Variants in ZNF717 observed in about 807,000 individuals in gnomAD.
ZNF717 encodes the protein krueppel-like factor X17.
In ZNF717, 9 loss-of-function variants were observed where a neutral mutation model predicts 13.8. The observed-to-expected ratio is 0.65, with a 90% confidence interval of 0.39 to 1.14. The LOEUF (loss-of-function observed/expected upper bound fraction) is 1.14, where lower values mean the gene tolerates loss of function less well. ZNF717 is among the 50% of genes most tolerant of loss of function. The pLI, the probability that ZNF717 is intolerant of heterozygous loss-of-function variation, is 0.01. For missense variants in ZNF717, 1,040 were observed against 1,080.7 expected (o/e 0.96, Z 0.53); for synonymous variants, 327 against 364.1 (o/e 0.90, Z 1.16).
chr3:75,730,625 A>T, intron 5 of ZNF717: 2 of 702,342 alleles, frequency 2.8e-6, no homozygotes, highest in Non-Finnish European at 5.2e-6. Flanking sequence ...AAACCTGGAG[A>T]TAAAAGATTT....
chr3:75,715,110 A>C (rs1938020949), intron 5 of ZNF717, among the ~76,000 whole-genome samples: 3 of 152,250 alleles, frequency 2.0e-5, no homozygotes, highest in African/African-American at 7.2e-5. Flanking sequence ...TAATCTAATA[A>C]GTGCTGTGAA....
Position 75,738,890 on chromosome 3 carries a change from C to G in ZNF717, c.733G>C (p.Ala245Pro). 1 of 1,551,418 alleles carries G rather than the reference C, an allele frequency of 6.4e-7. No individual in the cohort carries two copies. The highest frequency in any genetic ancestry group is 1.4e-5 in the African/African-American group (1 of 73,170). ...TFGKYNEYEKACNNSAVIVQV... is the reference protein window; with the variant it reads ...TFGKYNEYEKPCNNSAVIVQV... ...ACAATAACAGCTGAGTTATTACAGG[C>G]TTTCTCATATTCATTATATTTACCA... The change falls in exon 5 of 5, where the codon GCC becomes CCC. Residue 245 changes from alanine (A) to proline (P), a missense_variant. Around this residue, in one of 3 missense-constraint regions of ZNF717, gnomAD observed 873 missense variants for 832.8 expected, o/e 1.05. Coordinates refer to ENST00000652011, the MANE Select transcript of ZNF717 (RefSeq NM_001290208.3).
downstream of ZNF717, among the ~76,000 whole-genome samples, chr3:75,704,911 A>G (rs1205218351): frequency 2.8e-4 from 42 of 151,282 alleles, no homozygotes; most frequent in African/African-American, 9.6e-4. Context: ...ATTATCAGAA[A>G]AGATCAGCAG....
chr3:75,773,874 A>G (rs542676193), intron 2 of ZNF717, among the ~76,000 whole-genome samples: 269 of 152,106 alleles, frequency 1.8e-3, no homozygotes, highest in African/African-American at 5.9e-3. Context: ...ACAAGGAAAA[A>G]CCCCATCTCT....
At chr3:75,773,807 G>C (rs2107665581) in intron 2 of ZNF717, among the ~76,000 whole-genome samples, 1 of 152,136 alleles carries the variant, frequency 6.6e-6, no homozygotes, top group South Asian at 2.1e-4. Flanking sequence ...CCCAACACTT[G>C]GGGAGGCTGA....
intron 5 of ZNF717, among the ~76,000 whole-genome samples, chr3:75,715,094 G>A (rs375419979): frequency 2.0e-5 from 3 of 152,116 alleles, no homozygotes; most frequent in African/African-American, 7.2e-5. Context: ...TATTTGCCAC[G>A]ATAGGTAATC....
At chr3:75,721,939 A>G (rs2106865376) in intron 4 of ZNF717, among the ~76,000 whole-genome samples, 1 of 152,196 alleles carries the variant, frequency 6.6e-6, no homozygotes, top group South Asian at 2.1e-4. Context: ...CATAAGAGAA[A>G]TTAGGACTTC....
chr3:75,773,604 G>A (rs1302416361), intron 2 of ZNF717, among the ~76,000 whole-genome samples: 2 of 152,186 alleles, frequency 1.3e-5, no homozygotes, highest in African/African-American at 4.8e-5. Context: ...AATGAAAAAT[G>A]TTAATTTGGT....
chr3:75,764,901 T>C (rs1171793733), intron 2 of ZNF717, among the ~76,000 whole-genome samples: 2 of 151,784 alleles, frequency 1.3e-5, no homozygotes, highest in South Asian at 2.1e-4. Flanking sequence ...CAAACAGATA[T>C]GTGCACACCT....
intron 2 of ZNF717, among the ~76,000 whole-genome samples, chr3:75,742,722 A>G (rs1344278156): frequency 1.1e-4 from 17 of 152,220 alleles, no homozygotes; most frequent in Admixed American, 1.0e-3. Flanking sequence ...TCTGCATTTA[A>G]ATATTTGACC....
At chr3:75,776,153 C>T (rs34658965) in intron 2 of ZNF717, among the ~76,000 whole-genome samples, 42,216 of 149,812 alleles carry the variant, frequency 0.28, 2,001 homozygotes, top group Non-Finnish European at 0.35. Flanking sequence ...CCAGGATGGC[C>T]GCCTTGTCCT....
chr3:75,710,113 T>G (rs1325120800), exon 6 of ZNF717: 2 of 151,074 alleles, frequency 1.3e-5, no homozygotes, highest in Non-Finnish European at 2.9e-5. Flanking sequence ...CTGGTATTAT[T>G]CTGTTAGGAG....
intron 6 of ZNF717, among the ~76,000 whole-genome samples, chr3:75,694,950 G>C (rs1001523579): frequency 6.6e-5 from 10 of 151,966 alleles, no homozygotes; most frequent in Admixed American, 1.3e-4. Context: ...AAATCAATCA[G>C]AAAACAAATA....
intron 1 of ZNF717, among the ~76,000 whole-genome samples, chr3:75,783,792 C>T (rs1248847516): frequency 6.6e-6 from 1 of 152,172 alleles, no homozygotes; most frequent in Admixed American, 6.5e-5. Context: ...CATGACAGTA[C>T]ATCTTGCTTT....
In ZNF717 at chr3:75,737,306, G is replaced by A. The variant is rs1225026500; in HGVS notation, c.2317C>T (p.Leu773Phe). The A allele has an allele frequency of 1.3e-6, 2 of 1,552,656 alleles. No individual in the cohort carries two copies. Among genetic ancestry groups the A allele is most frequent in the South Asian group, 1.2e-5 (1 of 84,094 alleles). ...CGKTFCHKSN[L>F]STHQGTHSGE... is the part of the protein sequence containing the mutation. Reference sequence around the variant, plus strand: ...GAGTGAGTCCCCTGATGCGTACTGAGGTTTGACTTGTGACAAAAGGTTTTC... The same window carrying A: ...GAGTGAGTCCCCTGATGCGTACTGAAGTTTGACTTGTGACAAAAGGTTTTC... The change falls in exon 5 of 5, where the codon CTC becomes TTC. Residue 773 changes from leucine (L) to phenylalanine (F), a missense_variant. Leu to Phe is a conservative substitution (Grantham distance 22). Around this residue, in one of 3 missense-constraint regions of ZNF717, gnomAD observed 873 missense variants for 832.8 expected, o/e 1.05. Coordinates refer to ENST00000652011, the MANE Select transcript of ZNF717 (RefSeq NM_001290208.3).
At chr3:75,731,158 C>T (rs1338244000), downstream of ZNF717, among the ~76,000 whole-genome samples, 1 of 152,102 alleles carries the variant, frequency 6.6e-6, no homozygotes, top group Non-Finnish European at 1.5e-5. Context: ...GGGTGGATCA[C>T]ATGAAGTCAG....
chr3:75,696,481 C>G (rs1937604573), intron 6 of ZNF717, among the ~76,000 whole-genome samples: 1 of 152,304 alleles, frequency 6.6e-6, no homozygotes, highest in Non-Finnish European at 1.5e-5. Context: ...TGCAAAAAAC[C>G]TAGCAAACTG....
At chr3:75,782,636 G>A (rs1211419341) in intron 2 of ZNF717, among the ~76,000 whole-genome samples, 2 of 152,026 alleles carry the variant, frequency 1.3e-5, no homozygotes, top group African/African-American at 2.4e-5. Flanking sequence ...TTTAGCGGCA[G>A]ATGACCATTT....
chr3:75,775,709 C>T (rs966681492), intron 2 of ZNF717, among the ~76,000 whole-genome samples: 21 of 151,976 alleles, frequency 1.4e-4, no homozygotes, highest in East Asian at 7.8e-4. Context: ...AAAAATTAGC[C>T]GGGTGTGGTG....
Sources: allele counts gnomAD v4.1 joint callset (sites outside exome capture counted in the v4.1 genomes callset), GRCh38; gene constraint gnomAD v4.1.1; regional missense constraint gnomAD v4.1.1; transcripts MANE v1.5; gene names NCBI Gene and HGNC (gene_info 2026-07-23, HGNC 2026-07-21).